The following NKAIN3 variants were observed in gnomAD, a reference collection of about 807,000 sequenced individuals.
NKAIN3 encodes sodium/potassium transporting ATPase interacting 3.
Under a neutral mutation model 30.2 loss-of-function variants are expected in NKAIN3, and 25 were observed. The observed-to-expected ratio is 0.83, with a 90% CI of 0.60 to 1.16. The LOEUF (loss-of-function observed/expected upper bound fraction) is 1.16. NKAIN3 is among the 50% of genes most tolerant of loss of function. The pLI is 0.00. For synonymous variants in NKAIN3, 91 were observed against 89.6 expected (o/e 1.02, Z -0.09); for missense variants, 225 against 254.1 (o/e 0.89, Z 0.78).
intron 3 of NKAIN3, among the ~76,000 whole-genome samples, chr8:62,601,704 A>G (rs967442112): frequency 6.6e-6 from 1 of 152,076 alleles, no homozygotes; most frequent in Non-Finnish European, 1.5e-5. Context: ...GCTTCCAGGT[A>G]CTAAATCTAA....
intron 3 of NKAIN3, among the ~76,000 whole-genome samples, chr8:62,729,328 A>G (rs1815393680): frequency 6.6e-6 from 1 of 152,180 alleles, no homozygotes. Context: ...TGATGCCACT[A>G]CATACCTATT....
chr8:62,589,285 C>A lies in NKAIN3; in HGVS notation c.193-429C>A, dbSNP rs1585982719. ...TAATTTTGTACTCCACGCATGTTTT[C>A]TTCAAACATGGTCTTCTTTCAGTCC... On this transcript the variant is annotated intron_variant, in intron 2 of 6. Coordinates refer to ENST00000623646, the MANE Select transcript of NKAIN3 (RefSeq NM_001304533.3). Among the ~76,000 whole-genome samples the A allele has an allele frequency of 2.0e-5, 3 of 151,864 alleles. No individual in the cohort carries two copies. In the East Asian group the frequency reaches 5.8e-4, roughly 29 times the overall value.
intron 5 of NKAIN3, among the ~76,000 whole-genome samples, chr8:62,994,093 C>A (rs1362210348): frequency 6.6e-6 from 1 of 151,988 alleles, no homozygotes; most frequent in Admixed American, 6.6e-5. Context: ...ATGCACGTAC[C>A]CTTTGACCCA....
chr8:62,537,168 A>T (rs1808690193), intron 1 of NKAIN3, among the ~76,000 whole-genome samples: 1 of 152,126 alleles, frequency 6.6e-6, no homozygotes, highest in Non-Finnish European at 1.5e-5. Flanking sequence ...TGGCAATTAA[A>T]CTTAGGAAGA....
At chr8:62,875,663 TAAC>T (rs1174014014) in intron 4 of NKAIN3, among the ~76,000 whole-genome samples, 1 of 151,956 alleles carries the variant, frequency 6.6e-6, no homozygotes, top group Non-Finnish European at 1.5e-5. Context: ...ACCTCAGAAA[TAAC>T]AACACAAATC....
intron 1 of NKAIN3, among the ~76,000 whole-genome samples, chr8:62,522,838 A>G (rs1236269402): frequency 6.6e-6 from 1 of 152,058 alleles, no homozygotes; most frequent in Admixed American, 6.6e-5. Flanking sequence ...TGTTATTGCA[A>G]GAGTCAAAAA....
chr8:62,671,811 A>C (rs1184246072), intron 3 of NKAIN3, among the ~76,000 whole-genome samples: 2 of 151,954 alleles, frequency 1.3e-5, no homozygotes, highest in Non-Finnish European at 2.9e-5. Context: ...ATAGCTTCCC[A>C]CATAATAGAA....
At chr8:62,959,139 G>A (rs1449912779) in intron 6 of NKAIN3, among the ~76,000 whole-genome samples, 1 of 152,112 alleles carries the variant, frequency 6.6e-6, no homozygotes, top group African/African-American at 2.4e-5. Context: ...TGATTGAGTG[G>A]CTGCTATTGC....
At chr8:62,999,416 T>C (rs143919547) in exon 6 of NKAIN3, 1 of 152,286 alleles carries the variant, frequency 6.6e-6, no homozygotes, top group Non-Finnish European at 1.5e-5. Context: ...ACTCACTCAT[T>C]TCTGTGGGGA....
At chr8:62,271,274 A>C (rs1248897420) in intron 1 of NKAIN3, among the ~76,000 whole-genome samples, 1 of 152,208 alleles carries the variant, frequency 6.6e-6, no homozygotes, top group East Asian at 1.9e-4. Context: ...TTTTTATTCC[A>C]ATAAATTCTT....
At chr8:62,470,421 C>A (rs1806292509) in intron 1 of NKAIN3, among the ~76,000 whole-genome samples, 1 of 152,126 alleles carries the variant, frequency 6.6e-6, no homozygotes, top group South Asian at 2.1e-4. Flanking sequence ...ATGACAGATA[C>A]CTTTTCCATT....
At chr8:62,670,688 C>T (rs1208409371) in intron 3 of NKAIN3, among the ~76,000 whole-genome samples, 5 of 152,030 alleles carry the variant, frequency 3.3e-5, no homozygotes, top group African/African-American at 1.2e-4. Context: ...GTAAAAGAGA[C>T]CAGGTTCTTT....
At chr8:62,762,144 C>T (rs1412659404) in intron 4 of NKAIN3, among the ~76,000 whole-genome samples, 3 of 151,678 alleles carry the variant, frequency 2.0e-5, no homozygotes, top group South Asian at 2.1e-4. Context: ...GGTGAAATCC[C>T]GTCTCTACTA....
intron 3 of NKAIN3, among the ~76,000 whole-genome samples, chr8:62,641,678 AAGTGAG>A (rs1812311810): frequency 6.6e-6 from 1 of 152,274 alleles, no homozygotes; most frequent in Admixed American, 6.5e-5. Flanking sequence ...TTGATTGATA[AAGTGAG>A]AGGCAAGATT....
At chr8:62,353,631 G>A (rs1329200529) in intron 1 of NKAIN3, among the ~76,000 whole-genome samples, 1 of 152,140 alleles carries the variant, frequency 6.6e-6, no homozygotes, top group Admixed American at 6.6e-5. Context: ...AATTGATAAT[G>A]TGTCATTAAT....
intron 1 of NKAIN3, among the ~76,000 whole-genome samples, chr8:62,295,216 G>A (rs1229390066): frequency 1.3e-5 from 2 of 152,124 alleles, no homozygotes; most frequent in African/African-American, 4.8e-5. Context: ...GGATATAAGG[G>A]AATGTGCCCT....
At chr8:62,878,506 G>GT (rs913962485) in intron 4 of NKAIN3, among the ~76,000 whole-genome samples, 2 of 151,504 alleles carry the variant, frequency 1.3e-5, no homozygotes, top group African/African-American at 2.4e-5. Context: ...CTGTTGTTGT[G>GT]TTTTTATTAT....
At chr8:62,960,072 A>G (rs758624175) in intron 6 of NKAIN3, among the ~76,000 whole-genome samples, 34 of 152,214 alleles carry the variant, frequency 2.2e-4, no homozygotes, top group Non-Finnish European at 4.6e-4. Context: ...ACACATCCTG[A>G]TATATACTTA....
At chr8:62,419,440 C>T (rs759503494) in intron 1 of NKAIN3, among the ~76,000 whole-genome samples, 2 of 152,108 alleles carry the variant, frequency 1.3e-5, no homozygotes, top group Admixed American at 6.6e-5. Context: ...GGATTACTTT[C>T]GATAAGGAGA....
Sources: gnomAD v4.1 joint callset for allele counts (sites outside exome capture counted in the v4.1 genomes callset) on GRCh38, gnomAD v4.1.1 for gene constraint, MANE v1.5 for transcripts, NCBI Gene and HGNC (gene_info 2026-07-23, HGNC 2026-07-21) for gene names.